RANBP10: variants seen among roughly 807,000 people sequenced by gnomAD.
The protein encoded by RANBP10 is RAN binding protein 10.
Under a neutral mutation model 72.8 loss-of-function variants are expected in RANBP10, and 24 were observed. The ratio of observed to expected loss-of-function variants is 0.33; its 90% CI spans 0.24 to 0.46. The LOEUF is 0.46. Ranked by LOEUF, RANBP10 falls within the 20% of genes least tolerant of loss-of-function variation. The pLI, the probability that RANBP10 is intolerant of heterozygous loss-of-function variation, is 1.00. For missense variants in RANBP10, 679 were observed against 817.5 expected, an observed-to-expected ratio of 0.83 and a Z score of 2.07; for synonymous variants, 310 against 322.3, an observed-to-expected ratio of 0.96 and a Z score of 0.41.
At chr16:67,794,930 T>TAAAAAAAAAAAAAA (rs1239858200) in intron 2 of RANBP10, among the ~76,000 whole-genome samples, 2 of 54,288 alleles carry the variant, frequency 3.7e-5, no homozygotes, top group African/African-American at 6.0e-5. Context: ...TGCCTCAAAT[T>TAAAAAAAAAAAAAA]AAAAAAAAAA....
chr16:67,751,844 A>T (rs1455409429), intron 3 of RANBP10, among the ~76,000 whole-genome samples: 2 of 152,098 alleles, frequency 1.3e-5, no homozygotes, highest in Non-Finnish European at 2.9e-5. Flanking sequence ...TGAACCTGGG[A>T]GGTGGAGATT....
In RANBP10 at chr16:67,726,314, G is replaced by A; in HGVS notation, c.*114C>T. ...GGAGAGGGGGAAAGGCCAGGCAGGA[G>A]GAGTGGACTCTGTCTATGGTTTCCC... is the stretch of plus-strand genomic sequence containing the variant. On this transcript the variant is annotated 3_prime_UTR_variant, in exon 14 of 14. Coordinates refer to ENST00000317506, the MANE Select transcript of RANBP10 (RefSeq NM_020850.3). The A allele has an allele frequency of 6.7e-7, 1 of 1,481,564 alleles. No homozygotes were observed. The highest frequency in any genetic ancestry group is 1.2e-5 in the South Asian group (1 of 83,396). The allele number at this position is 1,481,564 out of a possible 1,614,324, so 91.8% of individuals were successfully genotyped here.
At chr16:67,800,362 G>A (rs540892138) in intron 2 of RANBP10, among the ~76,000 whole-genome samples, 1 of 152,164 alleles carries the variant, frequency 6.6e-6, no homozygotes, top group African/African-American at 2.4e-5. Flanking sequence ...TACTACTCTT[G>A]GGTAAAGCAA....
At chr16:67,781,966 C>T (rs1253865359) in intron 2 of RANBP10, among the ~76,000 whole-genome samples, 2 of 152,080 alleles carry the variant, frequency 1.3e-5, no homozygotes, top group Admixed American at 6.6e-5. Context: ...TGCTGCCACC[C>T]GAGCAAGGGG....
chr16:67,749,853 G>A (rs1183680603), intron 3 of RANBP10, among the ~76,000 whole-genome samples: 2 of 152,190 alleles, frequency 1.3e-5, no homozygotes, highest in Non-Finnish European at 2.9e-5. Flanking sequence ...GAGGAGCAAA[G>A]TGAAAATCAT....
At chr16:67,774,581 T>G (rs1242308059) in intron 2 of RANBP10, among the ~76,000 whole-genome samples, 1 of 152,036 alleles carries the variant, frequency 6.6e-6, no homozygotes, top group Non-Finnish European at 1.5e-5. Flanking sequence ...AGAATCTGAG[T>G]GGACTGTCTA....
intron 2 of RANBP10, among the ~76,000 whole-genome samples, chr16:67,772,332 G>A (rs906743444): frequency 3.3e-5 from 5 of 152,226 alleles, no homozygotes; most frequent in African/African-American, 9.6e-5. Flanking sequence ...ATGAACCACC[G>A]GCTTCAATTT....
In RANBP10 at chr16:67,788,439, A is replaced by G. The variant is rs190996268; in HGVS notation, c.348-16353T>C. ...GGCTAATTTTTTGTTGTATTTTTTT[A>G]GTAGAGAGGGGGTTTCACCATGTTA... On this transcript the variant is annotated intron_variant, in intron 2 of 13. Transcript: ENST00000317506. Among the ~76,000 whole-genome samples, 241 of 150,316 alleles carry G rather than the reference A, an allele frequency of 1.6e-3. 1 individual carries two copies. Among genetic ancestry groups the G allele is most frequent in the Middle Eastern group, 3.6e-3 (1 of 280 alleles).
Position 67,724,261 on chromosome 16 carries a change from C to A in RANBP10, c.*2167G>T, listed in dbSNP as rs1401615345. On this transcript the variant is annotated 3_prime_UTR_variant, in exon 14 of 14. Coordinates refer to ENST00000317506, the MANE Select transcript of RANBP10 (RefSeq NM_020850.3). ...GTTTATCTGCCATTCGGTTTCAGGA[C>A]TAAATAGTGTTGCCCAACCCACAGG... 1 of 152,246 alleles carries A rather than the reference C, an allele frequency of 6.6e-6. No individual in the cohort carries two copies. The highest frequency in any genetic ancestry group is 1.5e-5 in the Non-Finnish European group (1 of 68,064). The allele number at this position is 152,246 out of a possible 1,614,324, so 9.4% of individuals were successfully genotyped here. A position where few individuals can be genotyped will look rare whatever the true frequency, so the allele number is the denominator to read the frequency against.
intron 2 of RANBP10, among the ~76,000 whole-genome samples, chr16:67,779,672 C>T (rs1224358721): frequency 3.9e-5 from 6 of 152,074 alleles, no homozygotes; most frequent in Admixed American, 2.6e-4. Context: ...TCAGTAAAAA[C>T]AGGTGTGATA....
At chr16:67,742,073 C>CTT (rs758902349) in intron 4 of RANBP10, among the ~76,000 whole-genome samples, 4 of 141,172 alleles carry the variant, frequency 2.8e-5, no homozygotes, top group African/African-American at 5.2e-5. Context: ...CTAAGTGATT[C>CTT]TTTTTTTTTT....
At chr16:67,751,159 A>C (rs1356076692) in intron 3 of RANBP10, among the ~76,000 whole-genome samples, 1 of 152,244 alleles carries the variant, frequency 6.6e-6, no homozygotes, top group African/African-American at 2.4e-5. Context: ...TGAAATCACC[A>C]GGAAGAACCT....
intron 3 of RANBP10, among the ~76,000 whole-genome samples, chr16:67,752,378 A>G (rs1003186513): frequency 6.6e-6 from 1 of 152,208 alleles, no homozygotes; most frequent in East Asian, 1.9e-4. Flanking sequence ...GGCCGCTAGA[A>G]GCTAGAAAAG....
chr16:67,776,272 C>T (rs1287758729), intron 2 of RANBP10, among the ~76,000 whole-genome samples: 4 of 150,974 alleles, frequency 2.6e-5, no homozygotes, highest in African/African-American at 9.8e-5. Context: ...ACCAGCCTGA[C>T]CAACATGGTA....
chr16:67,751,830 C>T (rs1466816516), intron 3 of RANBP10, among the ~76,000 whole-genome samples: 8 of 151,832 alleles, frequency 5.3e-5, no homozygotes, highest in Admixed American at 1.3e-4. Context: ...GCAGGAGAAT[C>T]GCTTGAACCT....
At position 67,749,510 on chromosome 16, in the gene RANBP10, T is replaced by C. The variant is rs557891649; in HGVS notation, c.401-5055A>G. On this transcript the variant is annotated intron_variant, in intron 3 of 13. Coordinates refer to ENST00000317506, the MANE Select transcript of RANBP10 (RefSeq NM_020850.3). ...CTCTACCTGGATCCAGGCTCTATTC[T>C]CACCTTCTGAATTCCCCAAAGACAT... 3.9e-5 allele frequency among the ~76,000 whole-genome samples: 6 copies of C among 152,248 alleles called. No homozygotes were observed. In the South Asian group the frequency reaches 1.0e-3, roughly 26 times the overall value.
chr16:67,806,498 C>A lies in RANBP10; in HGVS notation c.39G>T (p.Pro13=), dbSNP rs1018324052. The change falls in exon 1 of 14, where the codon CCG becomes CCT. Residue 13 remains proline (P), a synonymous_variant. Transcript: ENST00000317506. ...AATADPGAGN[P]QPGDSSGGGA... Reference sequence around the variant, plus strand: ...CCCCGCCGGAGGAGTCCCCAGGCTGCGGGTTCCCAGCTCCCGGGTCTGCCG... The same window carrying A: ...CCCCGCCGGAGGAGTCCCCAGGCTGAGGGTTCCCAGCTCCCGGGTCTGCCG... The A allele has an allele frequency of 7.8e-6, 12 of 1,532,780 alleles. No homozygotes were observed. In the Middle Eastern group the frequency reaches 8.5e-4, roughly 108 times the overall value. The allele number at this position is 1,532,780 out of a possible 1,614,324, so 94.9% of individuals were successfully genotyped here.
At chr16:67,771,019 T>C (rs1288375608) in intron 3 of RANBP10, among the ~76,000 whole-genome samples, 1 of 152,014 alleles carries the variant, frequency 6.6e-6, no homozygotes, top group South Asian at 2.1e-4. Flanking sequence ...TCCCAACACT[T>C]AGGGAGGCCA....
chr16:67,762,562 A>G (rs1356813517), intron 3 of RANBP10: 1 of 152,136 alleles, frequency 6.6e-6, no homozygotes, highest in African/African-American at 2.4e-5. Context: ...GTGAGTCAGG[A>G]GTGGATTCAA....
Sources: gnomAD v4.1 joint callset for allele counts (sites outside exome capture counted in the v4.1 genomes callset) on GRCh38, gnomAD v4.1.1 for gene constraint, MANE v1.5 for transcripts, NCBI Gene and HGNC (gene_info 2026-07-23, HGNC 2026-07-21) for gene names.